The following CNTN4 variants were observed in gnomAD, a reference collection of about 807,000 sequenced individuals.
CNTN4 encodes contactin 4.
Under a neutral mutation model 122.5 loss-of-function variants are expected in CNTN4, and 77 were observed. The ratio of observed to expected loss-of-function variants is 0.63; its 90% CI spans 0.52 to 0.76. CNTN4 has a LOEUF of 0.76. CNTN4 is among the 30% of genes least tolerant of loss of function. The probability of loss-of-function intolerance (pLI) is 0.00; values close to 1 mark genes in which losing one functional copy is unlikely to be tolerated. For synonymous variants in CNTN4, 512 were observed against 447.0 expected, an observed-to-expected ratio of 1.15 and a Z score of -1.83; for missense variants, 1,256 against 1,259.1, an observed-to-expected ratio of 1.00 and a Z score of 0.04.
intron 2 of CNTN4, among the ~76,000 whole-genome samples, chr3:2,257,062 A>G (rs1459646612): frequency 1.3e-5 from 2 of 150,496 alleles, no homozygotes; most frequent in Non-Finnish European, 3.0e-5. Context: ...CAGTAACCAA[A>G]AAAGCATGGT....
At chr3:2,282,736 A>C (rs1396651510) in intron 2 of CNTN4, among the ~76,000 whole-genome samples, 1 of 152,214 alleles carries the variant, frequency 6.6e-6, no homozygotes, top group African/African-American at 2.4e-5. Context: ...CCCAAAGTAG[A>C]AACAACTCAA....
intron 2 of CNTN4, among the ~76,000 whole-genome samples, chr3:2,260,026 A>G (rs1348037504): frequency 6.6e-6 from 1 of 152,066 alleles, no homozygotes; most frequent in Admixed American, 6.6e-5. Flanking sequence ...GGAATTTTGT[A>G]TTGTTTTATG....
intron 6 of CNTN4, among the ~76,000 whole-genome samples, chr3:2,757,808 A>G (rs1294381722): frequency 1.3e-5 from 2 of 152,214 alleles, no homozygotes; most frequent in African/African-American, 4.8e-5. Context: ...GTGTTTCCCA[A>G]GAACTAAATT....
intron 6 of CNTN4, among the ~76,000 whole-genome samples, chr3:2,815,446 G>T (rs1212486422): frequency 6.6e-6 from 1 of 152,112 alleles, no homozygotes; most frequent in African/African-American, 2.4e-5. Flanking sequence ...TGAATAGACA[G>T]TTCTCAAAAG....
chr3:2,199,644 C>T (rs2038005456), intron 2 of CNTN4, among the ~76,000 whole-genome samples: 1 of 152,052 alleles, frequency 6.6e-6, no homozygotes, highest in African/African-American at 2.4e-5. Flanking sequence ...TAGTGATGAA[C>T]AAAATAGTCA....
intron 4 of CNTN4, among the ~76,000 whole-genome samples, chr3:2,648,720 C>T (rs553985952): frequency 7.2e-5 from 11 of 152,100 alleles, no homozygotes; most frequent in African/African-American, 2.4e-4. Context: ...GAGGAAGAAG[C>T]GTACATCTTT....
chr3:2,636,430 C>G (rs1176299244), intron 4 of CNTN4, among the ~76,000 whole-genome samples: 1 of 152,108 alleles, frequency 6.6e-6, no homozygotes, highest in Non-Finnish European at 1.5e-5. Context: ...AAGTCAGACA[C>G]CTACAACCTG....
At chr3:2,315,870 T>C (rs1170517440) in intron 2 of CNTN4, among the ~76,000 whole-genome samples, 1 of 152,112 alleles carries the variant, frequency 6.6e-6, no homozygotes, top group East Asian at 1.9e-4. Context: ...TTTAATATAT[T>C]TATAAGGCAG....
At chr3:2,712,747 A>C (rs1180613994) in intron 4 of CNTN4, among the ~76,000 whole-genome samples, 3 of 152,132 alleles carry the variant, frequency 2.0e-5, no homozygotes, top group South Asian at 4.1e-4. Flanking sequence ...TTCAACCCCA[A>C]CCTTTGGGGA....
chr3:2,534,980 T>C (rs1373312323), intron 3 of CNTN4, among the ~76,000 whole-genome samples: 1 of 152,098 alleles, frequency 6.6e-6, no homozygotes, highest in Non-Finnish European at 1.5e-5. Flanking sequence ...TTGCATGCAG[T>C]GTAAAAGGTC....
chr3:2,416,950 G>A (rs9310726), intron 3 of CNTN4, among the ~76,000 whole-genome samples: 5,716 of 151,450 alleles, frequency 0.038, 381 homozygotes, highest in African/African-American at 0.13. Context: ...CACCGCGCCC[G>A]GCCCAGTGTC....
intron 6 of CNTN4, among the ~76,000 whole-genome samples, chr3:2,747,310 G>A (rs1484186952): frequency 6.6e-6 from 1 of 151,688 alleles, no homozygotes; most frequent in Non-Finnish European, 1.5e-5. Flanking sequence ...TCGGGAGGCT[G>A]AGGCAGGAGA....
intron 9 of CNTN4, among the ~76,000 whole-genome samples, chr3:2,884,024 C>G (rs1323605824): frequency 1.3e-5 from 2 of 152,156 alleles, no homozygotes; most frequent in Admixed American, 6.5e-5. Flanking sequence ...TATGCCCAGC[C>G]CCATCTATCT....
rs5846238 is a variant in CNTN4, at chr3:3,014,879, G to GTT, written c.1487-11206_1487-11205dup. Among the ~76,000 whole-genome samples, 560 of 121,546 alleles carry GTT rather than the reference G, an allele frequency of 4.6e-3. 6 individuals are homozygous for GTT. Among genetic ancestry groups the GTT allele is most frequent in the Middle Eastern group, 0.026 (6 of 234 alleles). 79.7% of individuals were successfully genotyped at this position (121,546 alleles called of 152,430 possible). On this transcript the variant is annotated intron_variant, in intron 14 of 24. Coordinates refer to ENST00000418658, the MANE Select transcript of CNTN4 (RefSeq NM_175607.3). ...TTTATACTTGCGTGACCCTCGATTG[G>GTT]TTTTTTTTTTTTTTTTTTCTCTTTG...
At chr3:2,779,655 CA>C (rs1399050244) in intron 6 of CNTN4, among the ~76,000 whole-genome samples, 1 of 152,154 alleles carries the variant, frequency 6.6e-6, no homozygotes, top group Admixed American at 6.5e-5. Context: ...TTAATTTCCT[CA>C]AAAGCTTAGT....
At chr3:2,454,082 G>A (rs1257102538) in intron 3 of CNTN4, among the ~76,000 whole-genome samples, 10 of 113,730 alleles carry the variant, frequency 8.8e-5, no homozygotes, top group Non-Finnish European at 1.5e-4. Flanking sequence ...CCTGAGGCTC[G>A]AAGAAGCTAA....
Position 2,711,382 on chromosome 3 carries a change from C to CT in CNTN4, c.56-24827dup, listed in dbSNP as rs560970208. On this transcript the variant is annotated intron_variant, in intron 4 of 24. Transcript: ENST00000418658. The stretch of plus-strand genomic sequence containing the variant: ...TGATTTTTTAAGAGCCGCTATGAAT[C>CT]TTTTTTCTTTTAAATGTTAGAAACT... Among the ~76,000 whole-genome samples, 359 of 152,190 alleles carry CT rather than the reference C, an allele frequency of 2.4e-3. 3 individuals are homozygous for CT. Among genetic ancestry groups the CT allele is most frequent in the African/African-American group, 8.4e-3 (348 of 41,532 alleles).
intron 4 of CNTN4, among the ~76,000 whole-genome samples, chr3:2,642,825 TTGTC>T (rs1228886119): frequency 6.6e-6 from 1 of 152,170 alleles, no homozygotes; most frequent in Non-Finnish European, 1.5e-5. Context: ...TGTTGAAACT[TTGTC>T]TGCCCCTCAA....
chr3:2,790,514 G>A (rs1278873416), intron 6 of CNTN4, among the ~76,000 whole-genome samples: 2 of 152,226 alleles, frequency 1.3e-5, no homozygotes, highest in African/African-American at 4.8e-5. Flanking sequence ...AGGCAGATGT[G>A]CTCAGTGTCA....
Sources: gnomAD v4.1 joint callset for allele counts (sites outside exome capture counted in the v4.1 genomes callset) on GRCh38, gnomAD v4.1.1 for gene constraint, MANE v1.5 for transcripts, NCBI Gene and HGNC (gene_info 2026-07-23, HGNC 2026-07-21) for gene names.